TEAD4: variants seen among roughly 807,000 people sequenced by gnomAD.
The protein encoded by TEAD4 is transcriptional enhancer factor TEF-3.
A neutral mutation model predicts 52.4 loss-of-function variants in TEAD4; 36 were observed. The observed-to-expected ratio is 0.69, with a 90% confidence interval of 0.53 to 0.91. The LOEUF is 0.91. TEAD4 is among the 40% of genes least tolerant of loss of function. The pLI is 0.00. For synonymous variants in TEAD4, 220 were observed against 231.0 expected (o/e 0.95, Z 0.43); for missense variants, 508 against 583.9 (o/e 0.87, Z 1.34).
Position 3,040,094 on chromosome 12 carries a change from C to T in TEAD4, c.1039-13C>T. The T allele has an allele frequency of 6.2e-7, 1 of 1,613,820 alleles. No homozygotes were observed. Among genetic ancestry groups the T allele is most frequent in the Non-Finnish European group, 8.5e-7 (1 of 1,179,758 alleles). On this transcript the variant is annotated splice_polypyrimidine_tract_variant and intron_variant, in intron 11 of 12. Transcript: ENST00000359864. The stretch of plus-strand genomic sequence containing the variant: ...ATGGGATTCTAAGCCCCTGCTCTCC[C>T]CGGGTCCTGCAGACAGAGTATGCTC...
At chr12:3,037,835 G>T (rs775565629) in intron 10 of TEAD4, 133 bp from the exon 11 acceptor site, 3 of 1,071,682 alleles carry the variant, frequency 2.8e-6, no homozygotes, top group Non-Finnish European at 2.6e-6. Context: ...GCTTTCTGGC[G>T]TCCTACTGTC....
intron 2 of TEAD4, among the ~76,000 whole-genome samples, chr12:2,965,604 G>T (rs1048423296): frequency 2.0e-5 from 3 of 152,106 alleles, no homozygotes; most frequent in Admixed American, 1.3e-4. Context: ...CAGGCTGGAG[G>T]GCAGTGGGGT....
At chr12:3,003,635 C>G (rs569067774) in intron 3 of TEAD4, among the ~76,000 whole-genome samples, 163 of 152,278 alleles carry the variant, frequency 1.1e-3, no homozygotes, top group African/African-American at 3.7e-3. Context: ...GGGCAGCCTT[C>G]GCCCCCGGTG....
chr12:2,960,415 G>C (rs2098214344), intron 2 of TEAD4: 1 of 960,552 alleles, frequency 1.0e-6, no homozygotes, highest in Non-Finnish European at 1.2e-6. Flanking sequence ...CCCTGCAAAA[G>C]GTCCTACACC....
At chr12:3,010,024 A>AG (rs1215803547) in intron 3 of TEAD4, among the ~76,000 whole-genome samples, 2 of 152,262 alleles carry the variant, frequency 1.3e-5, no homozygotes, top group African/African-American at 4.8e-5. Flanking sequence ...TCCGCAGCAC[A>AG]GGGCGGGCTG....
At chr12:2,967,870 C>G (rs2098221687) in intron 2 of TEAD4, among the ~76,000 whole-genome samples, 1 of 152,026 alleles carries the variant, frequency 6.6e-6, no homozygotes, top group African/African-American at 2.4e-5. Flanking sequence ...TCAAACTGCC[C>G]CATTAAACCA....
At chr12:2,998,794 G>A (rs762214902) in intron 3 of TEAD4, among the ~76,000 whole-genome samples, 5 of 152,140 alleles carry the variant, frequency 3.3e-5, no homozygotes, top group Non-Finnish European at 7.4e-5. Flanking sequence ...CGAGCTTGGC[G>A]TTCCTCTGTC....
intron 3 of TEAD4, among the ~76,000 whole-genome samples, chr12:3,005,127 A>G (rs2098254811): frequency 6.6e-6 from 1 of 152,214 alleles, no homozygotes. Flanking sequence ...AGAAGGACAA[A>G]TGCCGAGAGG....
chr12:2,988,148 C>T (rs532622790), intron 2 of TEAD4, among the ~76,000 whole-genome samples: 1 of 152,248 alleles, frequency 6.6e-6, no homozygotes, highest in East Asian at 1.9e-4. Context: ...GATTCAACAT[C>T]TTCATAATAT....
At chr12:3,016,474 G>T (rs538195037) in intron 5 of TEAD4, among the ~76,000 whole-genome samples, 68 of 152,120 alleles carry the variant, frequency 4.5e-4, no homozygotes, top group African/African-American at 1.6e-3. Flanking sequence ...GTACAGTAAC[G>T]CATGCCCGTG....
intron 2 of TEAD4, among the ~76,000 whole-genome samples, chr12:2,980,438 T>C (rs7135464): frequency 0.76 from 115,157 of 152,140 alleles, 44,515 homozygotes; most frequent in Middle Eastern, 0.85. Context: ...TCAACAGAAG[T>C]GTTTGCAAAA....
intron 2 of TEAD4, among the ~76,000 whole-genome samples, chr12:2,970,842 C>T (rs1233922540): frequency 6.6e-6 from 1 of 152,244 alleles, no homozygotes; most frequent in Non-Finnish European, 1.5e-5. Flanking sequence ...CGGAAATGCT[C>T]CGTCGTAAAT....
At chr12:2,979,873 A>G (rs905199563) in intron 2 of TEAD4, among the ~76,000 whole-genome samples, 1 of 152,188 alleles carries the variant, frequency 6.6e-6, no homozygotes, top group African/African-American at 2.4e-5. Context: ...CATATAGTAC[A>G]TGCCCAGTGA....
At chr12:3,019,240 GGCA>G in intron 8 of TEAD4, 70 bp downstream of exon 8, 1 of 1,576,798 alleles carries the variant, frequency 6.3e-7, no homozygotes, top group East Asian at 2.2e-5. Context: ...CCAGGCCCCC[GGCA>G]GCCGAACGCC....
At chr12:3,010,360 G>T (rs896939630) in intron 3 of TEAD4, among the ~76,000 whole-genome samples, 10 of 152,228 alleles carry the variant, frequency 6.6e-5, no homozygotes, top group Admixed American at 5.9e-4. Flanking sequence ...TCCCTCGGGG[G>T]CTGGGCCCAT....
At chr12:2,963,715 C>G (rs758053244) in intron 2 of TEAD4, among the ~76,000 whole-genome samples, 8 of 152,252 alleles carry the variant, frequency 5.3e-5, no homozygotes, top group Non-Finnish European at 1.2e-4. Context: ...TGATCTGGCC[C>G]TGGGGCCCTT....
At chr12:3,031,748 A>G (rs1165090834) in intron 10 of TEAD4, among the ~76,000 whole-genome samples, 1 of 152,186 alleles carries the variant, frequency 6.6e-6, no homozygotes, top group Non-Finnish European at 1.5e-5. Context: ...CAGAGGGGAA[A>G]CTGAGGTACA....
At chr12:3,022,421 G>A (rs557751836) in intron 10 of TEAD4, among the ~76,000 whole-genome samples, 22 of 152,314 alleles carry the variant, frequency 1.4e-4, no homozygotes, top group Admixed American at 1.4e-3. Context: ...CCTGGAGCTG[G>A]TCCTTCGGTG....
intron 2 of TEAD4, among the ~76,000 whole-genome samples, chr12:2,968,853 T>A (rs1029212253): frequency 6.6e-6 from 1 of 152,012 alleles, no homozygotes. Flanking sequence ...TCTTGCTATC[T>A]TTATTTTGCC....
Sources: gnomAD v4.1 joint callset for allele counts (sites outside exome capture counted in the v4.1 genomes callset) on GRCh38, gnomAD v4.1.1 for gene constraint, MANE v1.5 for transcripts, NCBI Gene and HGNC (gene_info 2026-07-23, HGNC 2026-07-21) for gene names.